CNTN6: variants seen among roughly 807,000 people sequenced by gnomAD.
CNTN6 encodes contactin-6.
In CNTN6, 137 loss-of-function variants were observed where a neutral mutation model predicts 122.8. The observed-to-expected ratio is 1.12, with a 90% CI of 0.97 to 1.29. CNTN6 has a LOEUF of 1.29. Ranked by LOEUF, CNTN6 falls within the 50% of genes most tolerant of loss-of-function variation. CNTN6 has a pLI of 0.00. For missense variants in CNTN6, 1,634 were observed against 1,223.4 expected (o/e 1.34, Z -5.01); for synonymous variants, 570 against 426.0 (o/e 1.34, Z -4.16).
chr3:1,299,750 C>G (rs1009115058), intron 7 of CNTN6, among the ~76,000 whole-genome samples: 1 of 152,090 alleles, frequency 6.6e-6, no homozygotes, highest in East Asian at 1.9e-4. Flanking sequence ...TTTTGAAATC[C>G]TGGGAGACAG....
At chr3:1,393,814 A>G (rs2126235693) in intron 20 of CNTN6, among the ~76,000 whole-genome samples, 1 of 152,294 alleles carries the variant, frequency 6.6e-6, no homozygotes, top group Non-Finnish European at 1.5e-5. Flanking sequence ...AGAGAGAGAT[A>G]TATCCATATG....
chr3:1,103,425 G>T (rs761426701), intron 1 of CNTN6, among the ~76,000 whole-genome samples: 9 of 152,136 alleles, frequency 5.9e-5, no homozygotes, highest in African/African-American at 9.7e-5. Context: ...CCTTTGTGCA[G>T]ACTGTGCCTA....
intron 11 of CNTN6, among the ~76,000 whole-genome samples, chr3:1,342,740 A>G (rs1575782202): frequency 6.6e-6 from 1 of 152,264 alleles, no homozygotes; most frequent in Non-Finnish European, 1.5e-5. Context: ...TATAATAATT[A>G]AAAACATTTT....
At chr3:1,354,322 C>A (rs1378133923) in intron 12 of CNTN6, among the ~76,000 whole-genome samples, 1 of 149,776 alleles carries the variant, frequency 6.7e-6, no homozygotes, top group South Asian at 2.1e-4. Flanking sequence ...AGCTACTCTG[C>A]TCTTTCCATA....
At position 1,231,619 on chromosome 3, in the gene CNTN6, A is replaced by G. The variant is rs74915259; in HGVS notation, c.358+3626A>G. ...TGTATATAAAAACTACCTGTTGTGA[A>G]ACATACTCCTAAATCAAATCTGTCT... is the stretch of plus-strand genomic sequence containing the variant. On this transcript the variant is annotated intron_variant, in intron 4 of 22. Coordinates refer to ENST00000446702, the MANE Select transcript of CNTN6 (RefSeq NM_001289080.2). Among the ~76,000 whole-genome samples the G allele has an allele frequency of 8.3e-3, 1,261 of 152,358 alleles. 22 individuals are homozygous for G. Among genetic ancestry groups the G allele is most frequent in the African/African-American group, 0.028 (1,183 of 41,592 alleles).
chr3:1,117,491 G>C (rs1472926419), intron 1 of CNTN6, among the ~76,000 whole-genome samples: 1 of 152,180 alleles, frequency 6.6e-6, no homozygotes, highest in Non-Finnish European at 1.5e-5. Flanking sequence ...GTGACTTACT[G>C]TGTGACCTTA....
chr3:1,202,276 C>A (rs928601245), intron 2 of CNTN6, among the ~76,000 whole-genome samples: 5 of 152,140 alleles, frequency 3.3e-5, no homozygotes, highest in Non-Finnish European at 5.9e-5. Flanking sequence ...CGCGGTGGCT[C>A]ACGCCTGTAA....
intron 5 of CNTN6, among the ~76,000 whole-genome samples, chr3:1,288,005 C>T (rs531649582): frequency 8.0e-4 from 122 of 152,108 alleles, no homozygotes; most frequent in African/African-American, 2.9e-3. Flanking sequence ...AGTGTTGGCT[C>T]GGTCTTGAAT....
intron 20 of CNTN6, among the ~76,000 whole-genome samples, chr3:1,397,785 A>G (rs955844809): frequency 5.3e-5 from 8 of 152,116 alleles, no homozygotes; most frequent in African/African-American, 1.9e-4. Context: ...CAATCAATCC[A>G]TATTTAAACA....
intron 2 of CNTN6, among the ~76,000 whole-genome samples, chr3:1,158,971 T>C (rs80264012): frequency 0.011 from 1,441 of 128,928 alleles, 138 homozygotes; most frequent in East Asian, 0.03. Context: ...CACACACACA[T>C]ATATATATAT....
chr3:1,301,875 A>G (rs981894025), intron 7 of CNTN6, among the ~76,000 whole-genome samples: 2 of 152,236 alleles, frequency 1.3e-5, no homozygotes, highest in Admixed American at 1.3e-4. Context: ...AGTTACTACC[A>G]AAAAGAATTT....
chr3:1,350,614 C>T (rs1326634569), intron 11 of CNTN6, among the ~76,000 whole-genome samples: 1 of 151,772 alleles, frequency 6.6e-6, no homozygotes. Context: ...GTAGTATACT[C>T]AGGGTACCAC....
chr3:1,331,346 A>G (rs935681728), intron 11 of CNTN6, among the ~76,000 whole-genome samples: 1 of 152,014 alleles, frequency 6.6e-6, no homozygotes, highest in Non-Finnish European at 1.5e-5. Flanking sequence ...GAATAAATGA[A>G]TGAATCAAAA....
intron 4 of CNTN6, among the ~76,000 whole-genome samples, chr3:1,272,451 A>C (rs768948125): frequency 6.6e-6 from 1 of 152,212 alleles, no homozygotes; most frequent in African/African-American, 2.4e-5. Flanking sequence ...TATAATGGCT[A>C]TTCTCCATAT....
rs1454775836 is a variant in CNTN6 at position 1,377,039 on chromosome 3, T to C, written c.2130T>C (p.Gly710=). 4.4e-6 allele frequency: 7 copies of C among 1,605,796 alleles called. No homozygotes were observed. Among genetic ancestry groups the C allele is most frequent in the African/African-American group, 1.3e-5 (1 of 74,658 alleles). The part of the protein sequence containing the change: ...PVVAPVNIHG[G]GGSRSELVIT... ...TGGCACCAGTAAACATCCATGGAGG[T>C]GGAGGAAGTCGGTCTGAACTCGTCA... The change falls in exon 17 of 23, where the codon GGT becomes GGC. Residue 710 remains glycine, a synonymous_variant. Transcript: ENST00000446702.
intron 11 of CNTN6, among the ~76,000 whole-genome samples, chr3:1,335,353 A>T (rs1321472002): frequency 6.6e-6 from 1 of 152,168 alleles, no homozygotes; most frequent in East Asian, 1.9e-4. Flanking sequence ...GAAAATCAGG[A>T]TGAATTACAG....
At chr3:1,144,950 G>A (rs572145158) in intron 1 of CNTN6, among the ~76,000 whole-genome samples, 6 of 152,230 alleles carry the variant, frequency 3.9e-5, no homozygotes, top group South Asian at 2.1e-4. Flanking sequence ...GCAGGCCTCC[G>A]GAGGATTGGG....
rs939200170 is a variant in CNTN6, at chr3:1,277,359, T to C, written c.359-1054T>C. On this transcript the variant is annotated intron_variant, in intron 4 of 22. Coordinates refer to ENST00000446702, the MANE Select transcript of CNTN6 (RefSeq NM_001289080.2). ...TTAGTAGGTTTTCTTTTTTTTTTTT[T>C]TTTTTTTTTTTTTTTTTTGAGACCG... 1.4e-4 allele frequency among the ~76,000 whole-genome samples: 18 copies of C among 128,924 alleles called. 1 individual carries two copies. Among genetic ancestry groups the C allele is most frequent in the South Asian group, 5.5e-4 (2 of 3,648 alleles). 84.6% of individuals were successfully genotyped at this position (128,924 alleles called of 152,430 possible).
intron 1 of CNTN6, among the ~76,000 whole-genome samples, chr3:1,126,195 C>T (rs114942800): frequency 6.6e-6 from 1 of 151,838 alleles, no homozygotes; most frequent in Non-Finnish European, 1.5e-5. Flanking sequence ...GCTTTCTAAG[C>T]CTCCATTCCT....
Sources: gnomAD v4.1 joint callset for allele counts (sites outside exome capture counted in the v4.1 genomes callset) on GRCh38, gnomAD v4.1.1 for gene constraint, MANE v1.5 for transcripts, NCBI Gene and HGNC (gene_info 2026-07-23, HGNC 2026-07-21) for gene names.